The following SDK2 variants were observed in gnomAD, a reference collection of about 807,000 sequenced individuals.
The protein encoded by SDK2 is sidekick cell adhesion molecule 2, also known as protein sidekick-2.
Under a neutral mutation model 253.9 loss-of-function variants are expected in SDK2, and 105 were observed. The ratio of observed to expected loss-of-function variants is 0.41; its 90% CI spans 0.35 to 0.49. The LOEUF is 0.49. SDK2 is among the 20% of genes least tolerant of loss of function. The pLI, the probability that SDK2 is intolerant of heterozygous loss-of-function variation, is 0.06. For synonymous variants in SDK2, 1,249 were observed against 1,234.9 expected (o/e 1.01, Z -0.24); for missense variants, 2,608 against 3,003.0 (o/e 0.87, Z 3.07).
chr17:73,625,221 C>T (rs183959303), intron 1 of SDK2, among the ~76,000 whole-genome samples: 37 of 152,290 alleles, frequency 2.4e-4, no homozygotes, highest in African/African-American at 6.5e-4. Flanking sequence ...GGCACCAGGG[C>T]GCGAGGCGGA....
In SDK2 at chr17:73,350,365, G is replaced by C; in HGVS notation, c.5910C>G (p.Ala1970=). 6.2e-7 allele frequency: 1 copy of C among 1,613,532 alleles called. No homozygotes were observed. The highest frequency in any genetic ancestry group is 8.5e-7 in the Non-Finnish European group (1 of 1,179,690). ...CGCTGTGGCCTAGGGCTCCAGACTTGGCACTGTTCCCTGAAGTCGGCGGGA... is the reference window on the plus strand; with the variant it reads ...CGCTGTGGCCTAGGGCTCCAGACTTCGCACTGTTCCCTGAAGTCGGCGGGA... ...YAKKTDSGNS[A]KSGALGHSEM... Residue 1970 remains alanine (A), a synonymous_variant, in exon 43 of 45, where the codon GCC becomes GCG. Coordinates refer to ENST00000392650, the MANE Select transcript of SDK2 (RefSeq NM_001144952.2).
chr17:73,531,091 C>T (rs751581499), intron 1 of SDK2, among the ~76,000 whole-genome samples: 68 of 152,296 alleles, frequency 4.5e-4, no homozygotes, highest in Middle Eastern at 3.4e-3. Flanking sequence ...CAGCTTTCTG[C>T]TCCGATCTTC....
intron 1 of SDK2, among the ~76,000 whole-genome samples, chr17:73,584,935 G>A (rs141800293): frequency 2.4e-3 from 362 of 152,312 alleles, no homozygotes; most frequent in Non-Finnish European, 4.3e-3. Flanking sequence ...GGATGCTGAT[G>A]GCCGTTCATC....
chr17:73,393,787 G>C (rs761192545), intron 26 of SDK2, 38 bp from the exon 27 acceptor site: 4 of 1,457,158 alleles, frequency 2.7e-6, no homozygotes, highest in Non-Finnish European at 3.7e-6. Flanking sequence ...CCTCAGGCCT[G>C]CATCTCACCC....
chr17:73,617,758 TG>T (rs2046080014), intron 1 of SDK2, among the ~76,000 whole-genome samples: 2 of 152,230 alleles, frequency 1.3e-5, no homozygotes, highest in Admixed American at 1.3e-4. Flanking sequence ...AAGCACTTTA[TG>T]CCCATTAACT....
At chr17:73,390,582 A>G (rs1233465068) in intron 28 of SDK2, 101 bp from the exon 29 acceptor site, 1 of 1,215,178 alleles carries the variant, frequency 8.2e-7, no homozygotes, top group South Asian at 1.5e-5. Flanking sequence ...GTGTCTGTAC[A>G]TGGCCACCTT....
intron 3 of SDK2, among the ~76,000 whole-genome samples, chr17:73,458,598 C>T (rs898144517): frequency 3.9e-5 from 6 of 152,260 alleles, no homozygotes; most frequent in African/African-American, 9.6e-5. Context: ...GCCTTCTGCT[C>T]TGGCTCTGCC....
At chr17:73,611,386 C>T (rs572271759) in intron 1 of SDK2, among the ~76,000 whole-genome samples, 25 of 152,346 alleles carry the variant, frequency 1.6e-4, no homozygotes, top group East Asian at 7.7e-4. Flanking sequence ...GTGTGGAGCA[C>T]GCCCCAGGGC....
chr17:73,388,007 A>G lies in SDK2; in HGVS notation c.4223T>C (p.Val1408Ala). The G allele has an allele frequency of 6.4e-7, 1 of 1,569,266 alleles. No homozygotes were observed. The highest frequency in any genetic ancestry group is 8.6e-7 in the Non-Finnish European group (1 of 1,157,994). ...DRPQPPSRPM[V>A]QQEDVRARSV... ...GCGTGCTCTCACATCCTCCTGCTGC[A>G]CCATCGGCCTGCTGGGGGGCTGCGG... is the stretch of plus-strand genomic sequence containing the variant. The change falls in exon 30 of 45, where the codon GTG becomes GCG. Residue 1408 changes from valine (V) to alanine (A), a missense_variant. Physicochemically the swap from Val to Ala is moderately conservative, Grantham distance 64. Transcript: ENST00000392650.
intron 1 of SDK2, among the ~76,000 whole-genome samples, chr17:73,588,246 G>C (rs900507286): frequency 6.6e-6 from 1 of 150,992 alleles, no homozygotes; most frequent in African/African-American, 2.4e-5. Context: ...ACTTAGCTGG[G>C]CCTGGGGCTG....
chr17:73,354,742 C>A (rs1408216724), intron 40 of SDK2, among the ~76,000 whole-genome samples: 3 of 110,798 alleles, frequency 2.7e-5, no homozygotes, highest in Non-Finnish European at 3.7e-5. Context: ...CCCTAGCCTG[C>A]CCCAACCAAG....
At chr17:73,348,522 C>T (rs1413972816) in intron 44 of SDK2, 77 bp downstream of exon 44, 32 of 1,519,948 alleles carry the variant, frequency 2.1e-5, no homozygotes, top group Non-Finnish European at 2.8e-5. Flanking sequence ...GGAAGAAAGC[C>T]CATCTACGTT....
chr17:73,555,137 G>A (rs2045124440), intron 1 of SDK2, among the ~76,000 whole-genome samples: 1 of 152,244 alleles, frequency 6.6e-6, no homozygotes, highest in Non-Finnish European at 1.5e-5. Flanking sequence ...CCCCGAGCTG[G>A]GCTATGGGCA....
chr17:73,552,477 G>T (rs1476436179), intron 1 of SDK2, among the ~76,000 whole-genome samples: 1 of 152,196 alleles, frequency 6.6e-6, no homozygotes, highest in Non-Finnish European at 1.5e-5. Context: ...CCCTCCTGAG[G>T]GGGTGGCCGT....
chr17:73,458,090 C>T (rs760297364), intron 3 of SDK2, among the ~76,000 whole-genome samples: 1 of 151,964 alleles, frequency 6.6e-6, no homozygotes, highest in Admixed American at 6.6e-5. Context: ...GCAATCCTTC[C>T]GCCTCAGCCT....
rs775653984 is a variant in SDK2 at position 73,395,306 on chromosome 17, C to T, written c.3441G>A (p.Thr1147=). 27 of 1,613,882 alleles carry T rather than the reference C, an allele frequency of 1.7e-5. No individual in the cohort carries two copies. The highest frequency in any genetic ancestry group is 4.5e-5 in the East Asian group (2 of 44,898). The change falls in exon 25 of 45, where the codon ACG becomes ACA. Residue 1147 remains threonine, a synonymous_variant. Transcript: ENST00000392650. The surrounding 1 kb of genome is among the most constrained non-coding windows in gnomAD (Gnocchi z 4.3). ...KYSRSDGHGK[T]LSHVVQDRVE... The stretch of plus-strand genomic sequence containing the variant: ...CACGGTCCTGCACCACGTGGCTCAG[C>T]GTCTTGCCATGCCCGTCTGACCGGC...
chr17:73,423,309 C>T, intron 14 of SDK2, 77 bp downstream of exon 14: 4 of 1,279,108 alleles, frequency 3.1e-6, no homozygotes, highest in Non-Finnish European at 4.0e-6. Context: ...AGCAGGAGAG[C>T]TGGGACCCCA....
At chr17:73,584,077 T>C (rs1236045539) in intron 1 of SDK2, among the ~76,000 whole-genome samples, 1 of 152,210 alleles carries the variant, frequency 6.6e-6, no homozygotes, top group Non-Finnish European at 1.5e-5. Context: ...TCTCTAGCAG[T>C]ACGGACGGAG....
At chr17:73,341,460 C>T (rs1599464640) in intron 44 of SDK2, among the ~76,000 whole-genome samples, 1 of 152,086 alleles carries the variant, frequency 6.6e-6, no homozygotes, top group East Asian at 1.9e-4. Context: ...AGAAGTGCTC[C>T]GATTTTAGCG....
Sources: gnomAD v4.1 joint callset for allele counts (sites outside exome capture counted in the v4.1 genomes callset) on GRCh38, gnomAD v4.1.1 for gene constraint, Gnocchi (gnomAD v3.1) non-coding constraint, MANE v1.5 for transcripts, NCBI Gene and HGNC (gene_info 2026-07-23, HGNC 2026-07-21) for gene names.